AFAP1L1: variants seen among roughly 807,000 people sequenced by gnomAD.
AFAP1L1 encodes the protein actin filament-associated protein 1-like 1.
AFAP1L1 carries 77 observed loss-of-function variants against 99.8 expected under a neutral mutation model. That is an observed-to-expected ratio of 0.77 (90% CI 0.64 to 0.93). AFAP1L1 has a LOEUF of 0.93. Ranked by LOEUF, AFAP1L1 falls within the 40% of genes least tolerant of loss-of-function variation. The pLI, the probability that AFAP1L1 is intolerant of heterozygous loss-of-function variation, is 0.00. For synonymous variants in AFAP1L1, 373 were observed against 395.3 expected (o/e 0.94, Z 0.67); for missense variants, 893 against 996.8 (o/e 0.90, Z 1.40).
chr5:149,301,209 C>G lies in AFAP1L1; in HGVS notation c.306C>G (p.Ala102=). Residue 102 remains alanine (A), a synonymous_variant, in exon 4 of 19, where the codon GCC becomes GCG. Transcript: ENST00000296721. ...GCAAAGGAGCCAGCCCTGAGCTAGCCAAGAGCCCACGCCTGAGAAACGTGA... is the reference window on the plus strand; with the variant it reads ...GCAAAGGAGCCAGCCCTGAGCTAGCGAAGAGCCCACGCCTGAGAAACGTGA... The part of the protein sequence containing the change: ...EPSKGASPEL[A]KSPRLRNAAD... 6.2e-7 allele frequency: 1 copy of G among 1,614,000 alleles called. No individual in the cohort carries two copies. The highest frequency in any genetic ancestry group is 8.5e-7 in the Non-Finnish European group (1 of 1,179,950).
At chr5:149,316,979 A>T (rs2127598872) in intron 11 of AFAP1L1, among the ~76,000 whole-genome samples, 1 of 152,156 alleles carries the variant, frequency 6.6e-6, no homozygotes, top group Middle Eastern at 3.4e-3. Flanking sequence ...AGCCTGGGTA[A>T]CATGGTGAAA....
In AFAP1L1 at chr5:149,306,402, C is replaced by A; in HGVS notation, c.533C>A (p.Ser178Tyr). 6.2e-7 allele frequency: 1 copy of A among 1,608,798 alleles called. No homozygotes were observed. Among genetic ancestry groups the A allele is most frequent in the Non-Finnish European group, 8.5e-7 (1 of 1,177,280 alleles). The stretch of plus-strand genomic sequence containing the variant: ...AGGGTGAACGGCGAGCTTAAGAGCT[C>A]CTGTAAGTACCAGGTGGGCGTCCAG... ...ATRVNGELKS[S>Y]YNDSDAMSSS... Residue 178 changes from serine (S) to tyrosine (Y), a missense_variant and splice_region_variant, in exon 6 of 19, where the codon TCC (serine) becomes TAC (tyrosine). Transcript: ENST00000296721.
chr5:149,327,585 A>G (rs1426833577), intron 15 of AFAP1L1, among the ~76,000 whole-genome samples: 1 of 152,136 alleles, frequency 6.6e-6, no homozygotes, highest in African/African-American at 2.4e-5. Context: ...CAATAGAAAG[A>G]TAGAAATTAT....
chr5:149,339,178 CTTTTTTTTTT>C (rs35468603), intron 18 of AFAP1L1, among the ~76,000 whole-genome samples: 3 of 126,144 alleles, frequency 2.4e-5, no homozygotes, highest in Non-Finnish European at 3.3e-5. Flanking sequence ...CCCAATAAAG[CTTTTTTTTTT>C]TTTTTTTTTT....
rs528732141 is a variant in AFAP1L1 at position 149,343,429 on chromosome 5, C to T, written c.*3399C>T. On this transcript the variant is annotated 3_prime_UTR_variant, in exon 19 of 19. Transcript: ENST00000296721. Reference sequence around the variant, plus strand: ...TCCTCTCAGTCTGTCAGCTTTCCATCCTAAATCTCTAAAATTCATCCATAT... The same window carrying T: ...TCCTCTCAGTCTGTCAGCTTTCCATTCTAAATCTCTAAAATTCATCCATAT... Among the ~76,000 whole-genome samples the T allele has an allele frequency of 1.1e-4, 16 of 152,210 alleles. No homozygotes were observed. The highest frequency in any genetic ancestry group is 7.9e-4 in the Admixed American group (12 of 15,282).
chr5:149,320,389 A>G lies in AFAP1L1; in HGVS notation c.1626-2A>G. On this transcript the variant is annotated splice_acceptor_variant, in intron 13 of 18. Coordinates refer to ENST00000296721, the MANE Select transcript of AFAP1L1 (RefSeq NM_152406.4). LOFTEE classifies it high-confidence loss of function. The surrounding 1 kb of genome is among the most constrained non-coding windows in gnomAD (Gnocchi z 4.0). ...ATTGTCATCGTACATTTTATTTTCT[A>G]GATATGCAAGATCCTGCCAGAATCA... 3 of 1,613,966 alleles carry G rather than the reference A, an allele frequency of 1.9e-6. No homozygotes were observed. Among genetic ancestry groups the G allele is most frequent in the Non-Finnish European group, 2.5e-6 (3 of 1,179,868 alleles).
chr5:149,322,935 G>A (rs1249428651), intron 15 of AFAP1L1, among the ~76,000 whole-genome samples: 2 of 152,040 alleles, frequency 1.3e-5, no homozygotes, highest in African/African-American at 2.4e-5. Context: ...TTGGGGGGTG[G>A]GGAGGTACTG....
intron 1 of AFAP1L1, among the ~76,000 whole-genome samples, chr5:149,290,414 C>T (rs571202305): frequency 2.6e-5 from 4 of 152,316 alleles, no homozygotes; most frequent in Admixed American, 1.3e-4. Context: ...GGTAGATATG[C>T]TCACGTTACT....
intron 8 of AFAP1L1, among the ~76,000 whole-genome samples, chr5:149,311,374 C>T (rs947798431): frequency 6.6e-6 from 1 of 152,304 alleles, no homozygotes; most frequent in East Asian, 1.9e-4. Flanking sequence ...TGATCCTGGG[C>T]GGCCGTTAGC....
rs762669097 is a variant in AFAP1L1 at position 149,320,076 on chromosome 5, C to G, written c.1626-315C>G. On this transcript the variant is annotated intron_variant, in intron 13 of 18. Transcript: ENST00000296721. The surrounding 1 kb of genome is among the most constrained non-coding windows in gnomAD (Gnocchi z 4.0). ...CATTTGGTACTAGAAGAGCCAAGTTCGAGTCCCAGCTCAGTCACCACCAGC... is the reference window on the plus strand; with the variant it reads ...CATTTGGTACTAGAAGAGCCAAGTTGGAGTCCCAGCTCAGTCACCACCAGC... 6.6e-6 allele frequency among the ~76,000 whole-genome samples: 1 copy of G among 152,150 alleles called. No individual in the cohort carries two copies. Among genetic ancestry groups the G allele is most frequent in the Non-Finnish European group, 1.5e-5 (1 of 68,036 alleles).
Position 149,310,074 on chromosome 5 carries a change from G to A in AFAP1L1, c.866G>A (p.Gly289Glu). Reference protein sequence around the residue: ...HKRHELRFTQGATEVLVLALQ... With the variant: ...HKRHELRFTQEATEVLVLALQ... ...AGGCACGAGCTGCGTTTCACCCAGG[G>A]GGCTACCGAGGTCTTGGTGCTGGCA... Residue 289 changes from glycine (G) to glutamate (E), a missense_variant, in exon 8 of 19, where the codon GGG becomes GAG. By Grantham distance (98) the Gly-to-Glu change is moderately conservative. Coordinates refer to ENST00000296721, the MANE Select transcript of AFAP1L1 (RefSeq NM_152406.4). 6.2e-7 allele frequency: 1 copy of A among 1,614,044 alleles called. No homozygotes were observed. Among genetic ancestry groups the A allele is most frequent in the Non-Finnish European group, 8.5e-7 (1 of 1,179,966 alleles).
chr5:149,277,598 C>G (rs1452571720), intron 1 of AFAP1L1, among the ~76,000 whole-genome samples: 3 of 152,200 alleles, frequency 2.0e-5, no homozygotes, highest in East Asian at 1.9e-4. Context: ...TGAAAGGAAC[C>G]CTTATCCATA....
At chr5:149,273,639 C>T (rs115700166) in intron 1 of AFAP1L1, among the ~76,000 whole-genome samples, 1,763 of 152,190 alleles carry the variant, frequency 0.012, 43 homozygotes, top group African/African-American at 0.04. Context: ...TAACTGATTT[C>T]TAGGCAAGTG....
At chr5:149,310,220 C>T (rs1756583586) in intron 8 of AFAP1L1, 85 bp downstream of exon 8, 3 of 1,442,868 alleles carry the variant, frequency 2.1e-6, no homozygotes, top group African/African-American at 2.9e-5. Context: ...GCTCCTGTCC[C>T]TGGAAGAGCC....
At chr5:149,315,104 T>C (rs1248033359) in intron 9 of AFAP1L1, among the ~76,000 whole-genome samples, 1 of 152,200 alleles carries the variant, frequency 6.6e-6, no homozygotes, top group Non-Finnish European at 1.5e-5. Context: ...CATCCCGTGG[T>C]ACCTAATAGA....
At chr5:149,273,048 CAG>C (rs1479008869) in intron 1 of AFAP1L1, among the ~76,000 whole-genome samples, 3 of 151,662 alleles carry the variant, frequency 2.0e-5, no homozygotes, top group African/African-American at 7.3e-5. Context: ...TGGCAATGGC[CAG>C]ATGGGCATGT....
At chr5:149,277,810 T>C (rs1463155956) in intron 1 of AFAP1L1, among the ~76,000 whole-genome samples, 1 of 152,154 alleles carries the variant, frequency 6.6e-6, no homozygotes, top group Non-Finnish European at 1.5e-5. Context: ...ATACATGTAG[T>C]CTAGCACTCA....
intron 14 of AFAP1L1, among the ~76,000 whole-genome samples, chr5:149,321,991 G>A (rs1474152700): frequency 2.6e-5 from 4 of 152,114 alleles, no homozygotes; most frequent in East Asian, 1.9e-4. Flanking sequence ...TCATCACACC[G>A]CTGCACTCAA....
chr5:149,342,649 T>G lies in AFAP1L1; in HGVS notation c.*2619T>G, dbSNP rs113109237. Among the ~76,000 whole-genome samples, 12,187 of 152,296 alleles carry G rather than the reference T, an allele frequency of 0.08. 662 individuals carry two copies. Among genetic ancestry groups the G allele is most frequent in the African/African-American group, 0.16 (6,456 of 41,548 alleles). On this transcript the variant is annotated 3_prime_UTR_variant, in exon 19 of 19. Coordinates refer to ENST00000296721, the MANE Select transcript of AFAP1L1 (RefSeq NM_152406.4). Reference sequence around the variant, plus strand: ...TGTTTAGGCCAGGTATGGTGGCTCATGCCTGTAATCCCAGCACTTTGGGAG... The same window carrying G: ...TGTTTAGGCCAGGTATGGTGGCTCAGGCCTGTAATCCCAGCACTTTGGGAG...
Sources: allele counts gnomAD v4.1 joint callset (sites outside exome capture counted in the v4.1 genomes callset), GRCh38; gene constraint gnomAD v4.1.1; non-coding constraint Gnocchi (gnomAD v3.1); transcripts MANE v1.5; gene names NCBI Gene and HGNC (gene_info 2026-07-23, HGNC 2026-07-21).